The following CDS1 variants were observed in gnomAD, a reference collection of about 807,000 sequenced individuals.
CDS1 encodes the protein phosphatidate cytidylyltransferase 1.
Under a neutral mutation model 62.1 loss-of-function variants are expected in CDS1, and 41 were observed. The observed-to-expected ratio is 0.66, with a 90% CI of 0.51 to 0.86. CDS1 has a LOEUF of 0.86. Among genes scored for constraint, CDS1 ranks in the 40% least tolerant of loss-of-function variants. CDS1 has a pLI of 0.00. For synonymous variants in CDS1, 185 were observed against 192.6 expected (o/e 0.96, Z 0.32); for missense variants, 470 against 550.1 (o/e 0.85, Z 1.46).
chr4:84,628,496 G>A (rs1245517028), intron 5 of CDS1, among the ~76,000 whole-genome samples: 1 of 151,434 alleles, frequency 6.6e-6, no homozygotes, highest in Non-Finnish European at 1.5e-5. Context: ...TACTTTTCCT[G>A]ACCCCCTTAA....
intron 1 of CDS1, among the ~76,000 whole-genome samples, chr4:84,592,015 A>G (rs1722603781): frequency 6.6e-6 from 1 of 152,216 alleles, no homozygotes; most frequent in African/African-American, 2.4e-5. Flanking sequence ...AATTTCAAGA[A>G]ATCATTAGCC....
intron 2 of CDS1, among the ~76,000 whole-genome samples, chr4:84,605,920 A>G (rs1723079320): frequency 6.6e-6 from 1 of 152,118 alleles, no homozygotes; most frequent in African/African-American, 2.4e-5. Context: ...TCATGTAGCT[A>G]GTAAGTTATG....
chr4:84,595,624 T>A (rs2110038515), intron 1 of CDS1, among the ~76,000 whole-genome samples: 1 of 152,356 alleles, frequency 6.6e-6, no homozygotes. Context: ...TACTTGTTTC[T>A]CACTCTAAAT....
At chr4:84,626,121 C>G (rs1221392266) in intron 5 of CDS1, among the ~76,000 whole-genome samples, 1 of 152,054 alleles carries the variant, frequency 6.6e-6, no homozygotes, top group Admixed American at 6.6e-5. Context: ...GAGCCGAGAT[C>G]ATGCCATTCC....
intron 1 of CDS1, among the ~76,000 whole-genome samples, chr4:84,601,392 G>A (rs1722932235): frequency 6.6e-6 from 1 of 152,076 alleles, no homozygotes; most frequent in Non-Finnish European, 1.5e-5. Flanking sequence ...AGAGAGAGAA[G>A]TCCATTGCTT....
At chr4:84,609,180 C>CAAAA (rs1230335142) in intron 2 of CDS1, among the ~76,000 whole-genome samples, 5 of 91,426 alleles carry the variant, frequency 5.5e-5, no homozygotes, top group South Asian at 3.6e-4. Context: ...GACTCCGTCT[C>CAAAA]AAAAAAAAAA....
intron 1 of CDS1, among the ~76,000 whole-genome samples, chr4:84,597,701 C>G (rs997550035): frequency 6.6e-6 from 1 of 152,168 alleles, no homozygotes; most frequent in African/African-American, 2.4e-5. Context: ...CTTCCTCACT[C>G]TTCGTTCACC....
chr4:84,590,961 A>T (rs925541250), intron 1 of CDS1, among the ~76,000 whole-genome samples: 1 of 152,200 alleles, frequency 6.6e-6, no homozygotes, highest in African/African-American at 2.4e-5. Flanking sequence ...AAACGGTGAG[A>T]GACATGACTG....
intron 1 of CDS1, among the ~76,000 whole-genome samples, chr4:84,596,025 A>G (rs926025872): frequency 2.0e-5 from 3 of 152,186 alleles, no homozygotes; most frequent in African/African-American, 7.2e-5. Context: ...ATGGCAAAAA[A>G]CAGAGCAGCA....
At chr4:84,614,461 T>A (rs1379376404) in intron 3 of CDS1, among the ~76,000 whole-genome samples, 4 of 152,206 alleles carry the variant, frequency 2.6e-5, no homozygotes, top group Non-Finnish European at 5.9e-5. Context: ...TTCTTTTTTT[T>A]ATTGTGAATA....
chr4:84,596,755 C>G (rs952276413), intron 1 of CDS1, among the ~76,000 whole-genome samples: 1 of 152,034 alleles, frequency 6.6e-6, no homozygotes, highest in African/African-American at 2.4e-5. Context: ...TGACAGGCTC[C>G]CTGAAGAAGA....
chr4:84,636,398 G>A (rs1724212553), intron 8 of CDS1, among the ~76,000 whole-genome samples: 1 of 152,178 alleles, frequency 6.6e-6, no homozygotes, highest in Admixed American at 6.5e-5. Flanking sequence ...ATGGGCAATG[G>A]TAAAGAAGGA....
intron 10 of CDS1, among the ~76,000 whole-genome samples, chr4:84,642,289 G>C (rs547061171): frequency 4.0e-5 from 6 of 149,668 alleles, no homozygotes; most frequent in South Asian, 4.2e-4. Context: ...TTGCACCATT[G>C]CACTCTAGCC....
In CDS1 at chr4:84,635,294, C is replaced by A; in HGVS notation, c.753C>A (p.Cys251Ter). ...WFLVPISSVI[C>*]NDITAYLFGF... ...TTGTTCCAATATCAAGTGTTATCTG[C>A]AATGACATAACTGCTTACCTTTTTG... Residue 251 changes from cysteine (C) to a stop codon, truncating the protein, a stop_gained, in exon 8 of 13, where the codon TGC becomes TGA. Coordinates refer to ENST00000295887, the MANE Select transcript of CDS1 (RefSeq NM_001263.4). LOFTEE classifies it high-confidence loss of function. The A allele has an allele frequency of 6.3e-7, 1 of 1,575,342 alleles. No homozygotes were observed. The highest frequency in any genetic ancestry group is 8.6e-7 in the Non-Finnish European group (1 of 1,157,044).
chr4:84,607,418 G>A (rs1345730208), intron 2 of CDS1, among the ~76,000 whole-genome samples: 6 of 79,202 alleles, frequency 7.6e-5, no homozygotes, highest in Non-Finnish European at 1.3e-4. Flanking sequence ...AACATGCCCC[G>A]CCTCCTCTCC....
At chr4:84,635,794 C>G (rs1342073425) in intron 8 of CDS1, among the ~76,000 whole-genome samples, 1 of 147,590 alleles carries the variant, frequency 6.8e-6, no homozygotes, top group East Asian at 2.0e-4. Context: ...TCTTGCTTTG[C>G]CACCCAGGCT....
In CDS1 at chr4:84,632,256, G is replaced by A. The variant is rs1014381585; in HGVS notation, c.639+379G>A. Among the ~76,000 whole-genome samples, 66 of 152,012 alleles carry A rather than the reference G, an allele frequency of 4.3e-4. 1 individual carries two copies. Among genetic ancestry groups the A allele is most frequent in the African/African-American group, 1.5e-3 (61 of 41,400 alleles). On this transcript the variant is annotated intron_variant, in intron 6 of 12. Coordinates refer to ENST00000295887, the MANE Select transcript of CDS1 (RefSeq NM_001263.4). ...GTAACTATGTTTACTTGCACTTGGCGTGCGCATAAAGCAGCAGAGCATGTA... is the reference window on the plus strand; with the variant it reads ...GTAACTATGTTTACTTGCACTTGGCATGCGCATAAAGCAGCAGAGCATGTA...
chr4:84,619,484 G>T lies in CDS1; in HGVS notation c.531G>T (p.Gln177His), dbSNP rs766546783. Residue 177 changes from glutamine to histidine, a missense_variant, in exon 5 of 13, where the codon CAG becomes CAT. Gln to His is a conservative substitution (Grantham distance 24). Around this residue, in one of 5 missense-constraint regions of CDS1, gnomAD observed 214 missense variants for 242.4 expected, o/e 0.88. Transcript: ENST00000295887. ...ATFVQREEQL[Q>H]FLIRYHRFIS... ...TTGTTCAAAGAGAAGAACAACTTCAGTTCCTCATTCGCTACCATAGATTTA... is the reference window on the plus strand; with the variant it reads ...TTGTTCAAAGAGAAGAACAACTTCATTTCCTCATTCGCTACCATAGATTTA... 8.7e-6 allele frequency: 14 copies of T among 1,604,918 alleles called. No homozygotes were observed. In the East Asian group the frequency reaches 2.5e-4, roughly 28 times the overall value.
intron 6 of CDS1, among the ~76,000 whole-genome samples, chr4:84,632,470 TAGTG>T (rs1354465366): frequency 5.9e-5 from 9 of 152,214 alleles, no homozygotes; most frequent in East Asian, 3.9e-4. Context: ...ATTCATGTGA[TAGTG>T]AGGCTTATTT....
Sources: gnomAD v4.1 joint callset for allele counts (sites outside exome capture counted in the v4.1 genomes callset) on GRCh38, gnomAD v4.1.1 for gene constraint, gnomAD v4.1.1 regional missense constraint, MANE v1.5 for transcripts, NCBI Gene and HGNC (gene_info 2026-07-23, HGNC 2026-07-21) for gene names.